Variants in UTRN observed in about 807,000 individuals in gnomAD.
The protein encoded by UTRN is dystrophin-related protein 1.
A neutral mutation model predicts 463.9 loss-of-function variants in UTRN; 283 were observed. That is an observed-to-expected ratio of 0.61 (90% confidence interval 0.55 to 0.67). The LOEUF (loss-of-function observed/expected upper bound fraction) is 0.67, where lower values mean the gene tolerates loss of function less well. Ranked by LOEUF, UTRN falls within the 30% of genes least tolerant of loss-of-function variation. The pLI is 0.00. For missense variants in UTRN, 3,922 were observed against 4,084.3 expected, an observed-to-expected ratio of 0.96 and a Z score of 1.08; for synonymous variants, 1,442 against 1,431.5, an observed-to-expected ratio of 1.01 and a Z score of -0.17.
rs572667532 is a variant in UTRN at position 144,625,935 on chromosome 6, GA to G, written c.7479+48655del. On this transcript the variant is annotated intron_variant, in intron 51 of 74. Transcript: ENST00000367545. ...GCCTTGTTCTAAGCTTGAAAAGAAGGAAAAAAAATCAGTTTCTGGCTGAAAA... is the reference window on the plus strand; with the variant it reads ...GCCTTGTTCTAAGCTTGAAAAGAAGGAAAAAAATCAGTTTCTGGCTGAAAA... 3.5e-3 allele frequency among the ~76,000 whole-genome samples: 528 copies of G among 151,898 alleles called. 2 individuals are homozygous for G. The highest frequency in any genetic ancestry group is 0.012 in the African/African-American group (494 of 41,454).
chr6:144,816,769 G>A (rs1586692878), intron 65 of UTRN, among the ~76,000 whole-genome samples: 1 of 140,356 alleles, frequency 7.1e-6, no homozygotes, highest in Non-Finnish European at 1.5e-5. Flanking sequence ...TTATAGAGAT[G>A]GGGTTTTGCC....
intron 41 of UTRN, among the ~76,000 whole-genome samples, chr6:144,524,582 C>A (rs753724934): frequency 1.2e-4 from 18 of 152,004 alleles, no homozygotes; most frequent in Non-Finnish European, 2.1e-4. Context: ...GTTCTAGGAG[C>A]TTTTTGGATG....
In UTRN at chr6:144,510,969, G is replaced by A; in HGVS notation, c.4790G>A (p.Arg1597Lys). ...AKNVLKDLEK[R>K]KADLNTITES... is the part of the protein sequence containing the mutation. ...AATGTTCTGAAGGATCTGGAAAAGA[G>A]AAAAGCTGATTTAAATACCATCACA... Residue 1597 changes from arginine to lysine, a missense_variant, in exon 35 of 75, where the codon AGA becomes AAA. Around this residue, in one of 3 missense-constraint regions of UTRN, gnomAD observed 2,349 missense variants for 2,303.8 expected, o/e 1.02. Transcript: ENST00000367545. 1.9e-6 allele frequency: 3 copies of A among 1,603,410 alleles called. No individual in the cohort carries two copies. Among genetic ancestry groups the A allele is most frequent in the Non-Finnish European group, 2.6e-6 (3 of 1,173,386 alleles).
chr6:144,758,050 AG>A, intron 58 of UTRN, 61 bp downstream of exon 58: 1 of 1,468,358 alleles, frequency 6.8e-7, no homozygotes, highest in African/African-American at 1.4e-5. Context: ...TGATAACTTA[AG>A]AGGCTTCTCT....
chr6:144,513,985 T>C lies in UTRN; in HGVS notation c.5021T>C (p.Leu1674Pro). 2 of 1,614,014 alleles carry C rather than the reference T, an allele frequency of 1.2e-6. No homozygotes were observed. The highest frequency in any genetic ancestry group is 1.7e-6 in the Non-Finnish European group (2 of 1,179,918). Reference protein sequence around the residue: ...ISTWLYQAEALLDEIEKKPTS... With the variant: ...ISTWLYQAEAPLDEIEKKPTS... ...ACCTGGCTTTATCAAGCTGAAGCTC[T>C]ATTGGATGAAATTGAAAAGAAACCA... The change falls in exon 36 of 75, where the codon CTA becomes CCA. Residue 1674 changes from leucine (L) to proline (P), a missense_variant. Around this residue, in one of 3 missense-constraint regions of UTRN, gnomAD observed 2,349 missense variants for 2,303.8 expected, o/e 1.02. Transcript: ENST00000367545.
intron 51 of UTRN, among the ~76,000 whole-genome samples, chr6:144,597,913 A>G (rs9321982): frequency 0.025 from 3,769 of 152,272 alleles, 161 homozygotes; most frequent in African/African-American, 0.084. Flanking sequence ...AAACTTCTTT[A>G]TATCTAGAAT....
At chr6:144,424,131 C>T in intron 6 of UTRN, 53 bp downstream of exon 6, 1 of 1,578,452 alleles carries the variant, frequency 6.3e-7, no homozygotes. Flanking sequence ...TGTTGTTTGT[C>T]TTTTAGTTTC....
intron 2 of UTRN, among the ~76,000 whole-genome samples, chr6:144,401,690 CT>C (rs1483184544): frequency 6.6e-6 from 1 of 151,362 alleles, no homozygotes; most frequent in Middle Eastern, 3.2e-3. Flanking sequence ...TTTTCTGAAG[CT>C]GCTGCTATAT....
At chr6:144,684,430 G>A (rs1046990541) in intron 52 of UTRN, among the ~76,000 whole-genome samples, 1 of 152,040 alleles carries the variant, frequency 6.6e-6, no homozygotes. Context: ...TTTATATTTT[G>A]ATTTCCAAGT....
intron 33 of UTRN, among the ~76,000 whole-genome samples, chr6:144,498,983 CT>C (rs1246355780): frequency 2.0e-5 from 3 of 152,094 alleles, no homozygotes; most frequent in African/African-American, 7.2e-5. Flanking sequence ...TCATACCAAT[CT>C]TTTGAGGGCT....
chr6:144,344,243 G>C (rs902341774), intron 2 of UTRN: 32 of 1,304,020 alleles, frequency 2.5e-5, no homozygotes, highest in African/African-American at 3.0e-5. Flanking sequence ...CGTTTCATTG[G>C]AAAAAGTGCA....
chr6:144,573,651 A>C (rs567698318), intron 50 of UTRN, among the ~76,000 whole-genome samples: 9 of 152,092 alleles, frequency 5.9e-5, no homozygotes, highest in Non-Finnish European at 1.0e-4. Context: ...AGCTGAGATC[A>C]CACCACTGCA....
intron 53 of UTRN, among the ~76,000 whole-genome samples, chr6:144,700,829 G>A (rs1784515308): frequency 6.6e-6 from 1 of 151,902 alleles, no homozygotes; most frequent in Admixed American, 6.6e-5. Context: ...TGCCTCCCAG[G>A]TTCAAGTGAT....
At chr6:144,614,470 C>G (rs993842297) in intron 51 of UTRN, among the ~76,000 whole-genome samples, 12 of 152,090 alleles carry the variant, frequency 7.9e-5, no homozygotes, top group Non-Finnish European at 1.6e-4. Flanking sequence ...CCTTTAGTCT[C>G]AGCTCATCTT....
chr6:144,449,397 C>T (rs567590866), intron 17 of UTRN, among the ~76,000 whole-genome samples: 28 of 152,136 alleles, frequency 1.8e-4, no homozygotes, highest in African/African-American at 5.5e-4. Context: ...TTTACCAGCT[C>T]GCGGTACAGT....
intron 34 of UTRN, among the ~76,000 whole-genome samples, chr6:144,502,105 TA>T (rs1378582084): frequency 1.3e-5 from 2 of 150,374 alleles, no homozygotes; most frequent in Admixed American, 6.6e-5. Flanking sequence ...TTTTAAGTTT[TA>T]TTTTTTTTTT....
At chr6:144,639,300 A>AT (rs746284254) in intron 51 of UTRN, among the ~76,000 whole-genome samples, 14 of 151,806 alleles carry the variant, frequency 9.2e-5, no homozygotes, top group South Asian at 2.1e-4. Context: ...ACATTTGGCC[A>AT]TTTTTTTCAC....
chr6:144,342,590 G>A (rs73592819), intron 2 of UTRN, among the ~76,000 whole-genome samples: 9,870 of 152,008 alleles, frequency 0.065, 1,023 homozygotes, highest in African/African-American at 0.22. Flanking sequence ...GACTTCAAAA[G>A]CATTATGCTA....
In UTRN at chr6:144,577,141, G is replaced by A. The variant is rs754442261; in HGVS notation, c.7332G>A (p.Thr2444=). ...ACGCCTTGGAGGCTGAGTGGAGGACGGTGCAGGCCTCTCGCAGAGATCTGG... is the reference window on the plus strand; with the variant it reads ...ACGCCTTGGAGGCTGAGTGGAGGACAGTGCAGGCCTCTCGCAGAGATCTGG... ...RQNALEAEWR[T]VQASRRDLEN... The change falls in exon 51 of 75, where the codon ACG becomes ACA. Residue 2444 remains threonine (T), a synonymous_variant. Transcript: ENST00000367545. 4.2e-5 allele frequency: 68 copies of A among 1,613,738 alleles called. No homozygotes were observed. In the Middle Eastern group the frequency reaches 5.0e-4, roughly 12 times the overall value.
Sources: allele counts gnomAD v4.1 joint callset (sites outside exome capture counted in the v4.1 genomes callset), GRCh38; gene constraint gnomAD v4.1.1; regional missense constraint gnomAD v4.1.1; transcripts MANE v1.5; gene names NCBI Gene and HGNC (gene_info 2026-07-23, HGNC 2026-07-21).